Variants in GP1BA observed in about 807,000 individuals in gnomAD.
The protein encoded by GP1BA is glycoprotein Ib platelet subunit alpha.
In GP1BA, 3 loss-of-function variants were observed where a neutral mutation model predicts 5.6. That is an observed-to-expected ratio of 0.53 (90% CI 0.24 to 1.38). GP1BA has a LOEUF of 1.38. Ranked by LOEUF, GP1BA falls within the 40% of genes most tolerant of loss-of-function variation. The probability of loss-of-function intolerance (pLI) is 0.16; values close to 1 mark genes in which losing one functional copy is unlikely to be tolerated. For missense variants in GP1BA, 707 were observed against 801.4 expected (o/e 0.88, Z 1.42); for synonymous variants, 323 against 358.3 (o/e 0.90, Z 1.11).
chr17:4,933,041 A>G lies in GP1BA; in HGVS notation c.437A>G (p.Tyr146Cys), dbSNP rs1373506012. Residue 146 changes from tyrosine (Y) to cysteine (C), a missense_variant, in exon 2 of 2, where the codon TAC (tyrosine) becomes TGC (cysteine). Physicochemically the swap from Tyr to Cys is radical, Grantham distance 194 (BLOSUM62 -2). Coordinates refer to ENST00000329125, the MANE Select transcript of GP1BA (RefSeq NM_000173.7). The part of the protein sequence containing the change: ...LRGLGELQEL[Y>C]LKGNELKTLP... ...GGTCTTGGCGAACTCCAAGAGCTCT[A>G]CCTGAAAGGCAATGAGCTGAAGACC... The G allele has an allele frequency of 1.7e-5, 27 of 1,613,910 alleles. No homozygotes were observed. Among genetic ancestry groups the G allele is most frequent in the Non-Finnish European group, 2.2e-5 (26 of 1,179,864 alleles).
rs763628591 is a variant in GP1BA, at chr17:4,932,945, C to A, written c.341C>A (p.Thr114Lys). ...QLQSLPLLGQ[T>K]LPALTVLDVS... ...CAAAGCCTGCCCTTGCTAGGGCAGA[C>A]ACTGCCTGCTCTCACCGTCCTGGAC... Residue 114 changes from threonine (T) to lysine (K), a missense_variant, in exon 2 of 2, where the codon ACA becomes AAA. Around this residue, in one of 3 missense-constraint regions of GP1BA, gnomAD observed 442 missense variants for 498.8 expected, o/e 0.89. Transcript: ENST00000329125. The surrounding 1 kb of genome is among the most constrained non-coding windows in gnomAD (Gnocchi z 4.8). 6.2e-7 allele frequency: 1 copy of A among 1,613,908 alleles called. No homozygotes were observed. The highest frequency in any genetic ancestry group is 1.3e-5 in the African/African-American group (1 of 74,944).
In GP1BA at chr17:4,934,802, G is replaced by A. The variant is rs1033566791; in HGVS notation, c.*239G>A. On this transcript the variant is annotated 3_prime_UTR_variant, in exon 2 of 2. Coordinates refer to ENST00000329125, the MANE Select transcript of GP1BA (RefSeq NM_000173.7). Reference sequence around the variant, plus strand: ...CAAAGCTCCCGATGCTGCATGGGGCGCTGCCAGATCTCACGGTGAACCATT... The same window carrying A: ...CAAAGCTCCCGATGCTGCATGGGGCACTGCCAGATCTCACGGTGAACCATT... 1.5e-5 allele frequency: 9 copies of A among 590,890 alleles called. No individual in the cohort carries two copies. The highest frequency in any genetic ancestry group is 4.6e-4 in the Middle Eastern group (1 of 2,182). 36.6% of individuals were successfully genotyped at this position (590,890 alleles called of 1,614,324 possible).
chr17:4,934,689 G>A lies in GP1BA; in HGVS notation c.*126G>A. 1 of 960,912 alleles carries A rather than the reference G, an allele frequency of 1.0e-6. No individual in the cohort carries two copies. Among genetic ancestry groups the A allele is most frequent in the South Asian group, 1.5e-5 (1 of 67,502 alleles). The allele number at this position is 960,912 out of a possible 1,614,324, so 59.5% of individuals were successfully genotyped here. A position where few individuals can be genotyped will look rare whatever the true frequency, so the allele number is the denominator to read the frequency against. ...GGTCTTAGTTCCTTTTTCTGTATCA[G>A]AAGCCCTGTCTTCACAACACAGGCA... On this transcript the variant is annotated 3_prime_UTR_variant, in exon 2 of 2. Transcript: ENST00000329125.
At position 4,932,970 on chromosome 17, in the gene GP1BA, C is replaced by T. The variant is rs781353131; in HGVS notation, c.366C>T (p.Asp122=). The part of the protein sequence containing the change: ...GQTLPALTVL[D]VSFNRLTSLP... ...CACTGCCTGCTCTCACCGTCCTGGA[C>T]GTCTCCTTCAACCGGCTGACCTCGC... The change falls in exon 2 of 2, where the codon GAC becomes GAT. Residue 122 remains aspartate, a synonymous_variant. Transcript: ENST00000329125. The surrounding 1 kb of genome is among the most constrained non-coding windows in gnomAD (Gnocchi z 4.8). The T allele has an allele frequency of 9.9e-6, 16 of 1,613,932 alleles. No homozygotes were observed. Among genetic ancestry groups the T allele is most frequent in the South Asian group, 3.3e-5 (3 of 91,096 alleles).
In GP1BA at chr17:4,933,564, A is replaced by G. The variant is rs773710769; in HGVS notation, c.960A>G (p.Thr320=). ...TCAAGTTCCCCACCAAAGCCCATAC[A>G]ACCCCCTGGGGTCTATTCTACTCAT... ...TVVKFPTKAH[T]TPWGLFYSWS... Residue 320 remains threonine (T), a synonymous_variant, in exon 2 of 2, where the codon ACA becomes ACG. Coordinates refer to ENST00000329125, the MANE Select transcript of GP1BA (RefSeq NM_000173.7). 1.9e-6 allele frequency: 3 copies of G among 1,613,898 alleles called. No individual in the cohort carries two copies. Among genetic ancestry groups the G allele is most frequent in the Non-Finnish European group, 2.5e-6 (3 of 1,179,850 alleles).
chr17:4,934,616 A>T lies in GP1BA; in HGVS notation c.*53A>T, dbSNP rs1567649026. The stretch of plus-strand genomic sequence containing the variant: ...AAGAGCCTGTGGGCTCTCCTATTGG[A>T]ATCTAGTTGGGGGTTGGAGGGGTAA... On this transcript the variant is annotated 3_prime_UTR_variant, in exon 2 of 2. Coordinates refer to ENST00000329125, the MANE Select transcript of GP1BA (RefSeq NM_000173.7). The T allele has an allele frequency of 1.3e-6, 2 of 1,581,468 alleles. No homozygotes were observed. The highest frequency in any genetic ancestry group is 1.8e-5 in the Admixed American group (1 of 55,644).
In GP1BA at chr17:4,933,261, C is replaced by T. The variant is rs574742436; in HGVS notation, c.657C>T (p.His219=). 156 of 1,613,992 alleles carry T rather than the reference C, an allele frequency of 9.7e-5. No homozygotes were observed. Among genetic ancestry groups the T allele is most frequent in the Non-Finnish European group, 1.2e-4 (137 of 1,179,866 alleles). The change falls in exon 2 of 2, where the codon CAC becomes CAT. Residue 219 remains histidine (H), a synonymous_variant. Coordinates refer to ENST00000329125, the MANE Select transcript of GP1BA (RefSeq NM_000173.7). ...GSHLLPFAFL[H]GNPWLCNCEI... is the part of the protein sequence containing the mutation. ...ACCTCCTGCCTTTTGCTTTTCTCCA[C>T]GGGAACCCCTGGTTATGCAACTGTG...
rs1191148388 is a variant in GP1BA at position 4,933,013 on chromosome 17, C to T, written c.409C>T (p.Arg137Cys). Residue 137 changes from arginine (R) to cysteine (C), a missense_variant, in exon 2 of 2, where the codon CGT (arginine) becomes TGT (cysteine). This residue lies in a region of GP1BA where 442 missense variants were observed against 498.8 expected (regional missense o/e 0.89). Transcript: ENST00000329125. ...GACCTCGCTGCCTCTTGGTGCCCTG[C>T]GTGGTCTTGGCGAACTCCAAGAGCT... ...RLTSLPLGALRGLGELQELYL... is the reference protein window; with the variant it reads ...RLTSLPLGALCGLGELQELYL... 25 of 1,613,866 alleles carry T rather than the reference C, an allele frequency of 1.5e-5. No individual in the cohort carries two copies. The highest frequency in any genetic ancestry group is 4.4e-5 in the South Asian group (4 of 91,088).
Position 4,934,021 on chromosome 17 carries a change from A to T in GP1BA, c.1417A>T (p.Thr473Ser). 1 of 1,612,542 alleles carries T rather than the reference A, an allele frequency of 6.2e-7. No individual in the cohort carries two copies. The highest frequency in any genetic ancestry group is 8.5e-7 in the Non-Finnish European group (1 of 1,179,642). Residue 473 changes from threonine to serine, a missense_variant, in exon 2 of 2, where the codon ACT (threonine) becomes TCT (serine). Transcript: ENST00000329125. ...CCTGGTGTCTGCCACAAGCCTGATC[A>T]CTCCAAAAAGCACATTTTTAACTAC... ...TILVSATSLITPKSTFLTTTK... is the reference protein window; with the variant it reads ...TILVSATSLISPKSTFLTTTK...
At position 4,934,268 on chromosome 17, in the gene GP1BA, T is replaced by C. The variant is rs1311741734; in HGVS notation, c.1664T>C (p.Val555Ala). The change falls in exon 2 of 2, where the codon GTT becomes GCT. Residue 555 changes from valine (V) to alanine (A), a missense_variant. This residue lies in a region of GP1BA where 247 missense variants were observed against 246.6 expected (regional missense o/e 1.00). Coordinates refer to ENST00000329125, the MANE Select transcript of GP1BA (RefSeq NM_000173.7). ...SVVLILLLSW[V>A]GHVKPQALDS... ...GTCCTCATCCTGCTGCTGAGCTGGG[T>C]TGGGCATGTGAAACCACAGGCCCTG... The C allele has an allele frequency of 1.9e-6, 3 of 1,613,972 alleles. No individual in the cohort carries two copies. Among genetic ancestry groups the C allele is most frequent in the South Asian group, 1.1e-5 (1 of 91,084 alleles).
In GP1BA at chr17:4,932,641, C is replaced by G. The variant is rs372373000; in HGVS notation, c.37C>G (p.Pro13Ala). Reference sequence around the variant, plus strand: ...CCTCTTGCTGCTCCTGCTGCCAAGCCCCTTACACCCCCACCCCATCTGTGA... The same window carrying G: ...CCTCTTGCTGCTCCTGCTGCCAAGCGCCTTACACCCCCACCCCATCTGTGA... ...LLLLLLLLPS[P>A]LHPHPICEVS... Residue 13 changes from proline to alanine, a missense_variant, in exon 2 of 2, where the codon CCC (proline) becomes GCC (alanine). Pro to Ala is a conservative substitution (Grantham distance 27). Coordinates refer to ENST00000329125, the MANE Select transcript of GP1BA (RefSeq NM_000173.7). This position sits in a 1 kb window ranked among gnomAD's most constrained non-coding sequence, Gnocchi z 4.8. The G allele has an allele frequency of 1.9e-6, 3 of 1,613,704 alleles. No homozygotes were observed. The highest frequency in any genetic ancestry group is 2.7e-5 in the African/African-American group (2 of 74,850).
rs1567648802 is a variant in GP1BA, at chr17:4,934,325, CCA to C, written c.1726_1727del (p.Gln576AsnfsTer40). 6.2e-7 allele frequency: 1 copy of C among 1,614,008 alleles called. No individual in the cohort carries two copies. The highest frequency in any genetic ancestry group is 2.2e-5 in the East Asian group (1 of 44,886). The stretch of plus-strand genomic sequence containing the variant: ...GGCCAAGGTGCTGCTCTGACCACAG[CCA>C]CACAAACCACACACCTGGAGCTGCA... On this transcript the variant is annotated frameshift_variant, in exon 2 of 2. Transcript: ENST00000329125. LOFTEE classifies it high-confidence loss of function.
rs1260452076 is a variant in GP1BA, at chr17:4,932,296, A to G, written c.-76A>G. On this transcript the variant is annotated 5_prime_UTR_variant, in exon 1 of 2. Coordinates refer to ENST00000329125, the MANE Select transcript of GP1BA (RefSeq NM_000173.7). This position sits in a 1 kb window ranked among gnomAD's most constrained non-coding sequence, Gnocchi z 4.8. The stretch of plus-strand genomic sequence containing the variant: ...TGGCTTAGTCCTCCATGGGGCTAGA[A>G]GAGAGAAGGACGGAGTCGAGTGGCA... 8.2e-7 allele frequency: 1 copy of G among 1,224,824 alleles called. No individual in the cohort carries two copies. The highest frequency in any genetic ancestry group is 1.5e-5 in the African/African-American group (1 of 65,208). The allele number at this position is 1,224,824 out of a possible 1,614,324, so 75.9% of individuals were successfully genotyped here.
chr17:4,934,725 G>A lies in GP1BA; in HGVS notation c.*162G>A, dbSNP rs765873033. ...TTCACAACACAGGCACACAATTTCA[G>A]TCCCAGCCAAAGCAGAAGGGGTAAT... On this transcript the variant is annotated 3_prime_UTR_variant, in exon 2 of 2. Coordinates refer to ENST00000329125, the MANE Select transcript of GP1BA (RefSeq NM_000173.7). 1 of 733,038 alleles carries A rather than the reference G, an allele frequency of 1.4e-6. No individual in the cohort carries two copies. The highest frequency in any genetic ancestry group is 2.3e-6 in the Non-Finnish European group (1 of 432,968). The allele number at this position is 733,038 out of a possible 1,614,324, so 45.4% of individuals were successfully genotyped here.
rs745835623 is a variant in GP1BA, at chr17:4,933,989, C to A, written c.1385C>A (p.Pro462Gln). The A allele has an allele frequency of 1.9e-6, 3 of 1,595,894 alleles. No individual in the cohort carries two copies. ...PTPIPTIATS[P>Q]TILVSATSLI... ...CCAATCCCGACCATCGCCACAAGCCCGACCATCCTGGTGTCTGCCACAAGC... is the reference window on the plus strand; with the variant it reads ...CCAATCCCGACCATCGCCACAAGCCAGACCATCCTGGTGTCTGCCACAAGC... The change falls in exon 2 of 2, where the codon CCG becomes CAG. Residue 462 changes from proline (P) to glutamine (Q), a missense_variant. Around this residue, in one of 3 missense-constraint regions of GP1BA, gnomAD observed 247 missense variants for 246.6 expected, o/e 1.00. Coordinates refer to ENST00000329125, the MANE Select transcript of GP1BA (RefSeq NM_000173.7).
chr17:4,934,385 G>A lies in GP1BA; in HGVS notation c.1781G>A (p.Trp594Ter). ...CGGCAAGTGACAGTGCCCCGGGCCT[G>A]GCTGCTCTTCCTTCGAGGTTCGCTT... ...RGRQVTVPRA[W>*]LLFLRGSLPT... Residue 594 changes from tryptophan (W) to a stop codon, truncating the protein, a stop_gained, in exon 2 of 2, where the codon TGG becomes TAG. Transcript: ENST00000329125. LOFTEE classifies it high-confidence loss of function. The A allele has an allele frequency of 1.2e-6, 2 of 1,614,044 alleles. No individual in the cohort carries two copies. The highest frequency in any genetic ancestry group is 1.7e-6 in the Non-Finnish European group (2 of 1,179,904).
At position 4,932,492 on chromosome 17, in the gene GP1BA, G is replaced by A; in HGVS notation, c.-6-107G>A. Reference sequence around the variant, plus strand: ...GATGGGAGTAGGGAGGACAGGAGGTGTGGATGCTGTTTCTGGAAGCGAAGC... The same window carrying A: ...GATGGGAGTAGGGAGGACAGGAGGTATGGATGCTGTTTCTGGAAGCGAAGC... On this transcript the variant is annotated intron_variant, in intron 1 of 1. Coordinates refer to ENST00000329125, the MANE Select transcript of GP1BA (RefSeq NM_000173.7). This position sits in a 1 kb window ranked among gnomAD's most constrained non-coding sequence, Gnocchi z 4.8. The A allele has an allele frequency of 7.7e-7, 1 of 1,295,880 alleles. No individual in the cohort carries two copies. Among genetic ancestry groups the A allele is most frequent in the Non-Finnish European group, 1.0e-6 (1 of 959,652 alleles). The allele number at this position is 1,295,880 out of a possible 1,614,324, so 80.3% of individuals were successfully genotyped here.
rs1970400518 is a variant in GP1BA at position 4,934,988 on chromosome 17, T to C, written c.*425T>C. ...AGCATTTTCTAGTTTTCCACTATTA[T>C]TGTATATTATCTGTATAATAAAAAA... On this transcript the variant is annotated 3_prime_UTR_variant, in exon 2 of 2. Transcript: ENST00000329125. 2 of 236,744 alleles carry C rather than the reference T, an allele frequency of 8.4e-6. No individual in the cohort carries two copies. Among genetic ancestry groups the C allele is most frequent in the Admixed American group, 5.2e-5 (1 of 19,102 alleles). The allele number at this position is 236,744 out of a possible 1,614,324, so 14.7% of individuals were successfully genotyped here. A position where few individuals can be genotyped will look rare whatever the true frequency, so the allele number is the denominator to read the frequency against.
At position 4,932,960 on chromosome 17, in the gene GP1BA, C is replaced by A; in HGVS notation, c.356C>A (p.Thr119Asn). ...PLLGQTLPAL[T>N]VLDVSFNRLT... is the part of the protein sequence containing the mutation. ...CTAGGGCAGACACTGCCTGCTCTCACCGTCCTGGACGTCTCCTTCAACCGG... is the reference window on the plus strand; with the variant it reads ...CTAGGGCAGACACTGCCTGCTCTCAACGTCCTGGACGTCTCCTTCAACCGG... The change falls in exon 2 of 2, where the codon ACC (threonine) becomes AAC (asparagine). Residue 119 changes from threonine to asparagine, a missense_variant. By Grantham distance (65) the Thr-to-Asn change is moderately conservative (BLOSUM62 0). Transcript: ENST00000329125. The surrounding 1 kb of genome is among the most constrained non-coding windows in gnomAD (Gnocchi z 4.8). The A allele has an allele frequency of 6.2e-7, 1 of 1,614,040 alleles. No homozygotes were observed. Among genetic ancestry groups the A allele is most frequent in the Non-Finnish European group, 8.5e-7 (1 of 1,179,886 alleles).
Sources: allele counts gnomAD v4.1 joint callset, GRCh38; gene constraint gnomAD v4.1.1; regional missense constraint gnomAD v4.1.1; non-coding constraint Gnocchi (gnomAD v3.1); transcripts MANE v1.5; gene names NCBI Gene and HGNC (gene_info 2026-07-23, HGNC 2026-07-21).